Variants in FOXK2 observed in about 807,000 individuals in gnomAD.
FOXK2 encodes forkhead box K2, also known as forkhead box protein K2.
In FOXK2, 24 loss-of-function variants were observed where a neutral mutation model predicts 53.3. The observed-to-expected ratio is 0.45, with a 90% CI of 0.33 to 0.63. The LOEUF (loss-of-function observed/expected upper bound fraction) is 0.63, where lower values mean the gene tolerates loss of function less well. Ranked by LOEUF, FOXK2 falls within the 30% of genes least tolerant of loss-of-function variation. The pLI is 0.03. For synonymous variants in FOXK2, 505 were observed against 407.1 expected (o/e 1.24, Z -2.89); for missense variants, 952 against 910.5 (o/e 1.05, Z -0.59).
intron 8 of FOXK2, among the ~76,000 whole-genome samples, chr17:82,592,798 G>A (rs1239842858): frequency 6.6e-6 from 1 of 152,216 alleles, no homozygotes. Flanking sequence ...AGAGTGAAAT[G>A]CCCAGTTCGC....
chr17:82,595,634 G>C (rs1256679103), intron 8 of FOXK2: 2 of 489,200 alleles, frequency 4.1e-6, no homozygotes, highest in Non-Finnish European at 6.6e-6. Flanking sequence ...AGAGGACAGA[G>C]TGCTATACAT....
chr17:82,534,698 G>A (rs1159453213), intron 1 of FOXK2, among the ~76,000 whole-genome samples: 1 of 152,198 alleles, frequency 6.6e-6, no homozygotes, highest in Non-Finnish European at 1.5e-5. Flanking sequence ...TAGTGACTGG[G>A]TGCCTCAGCA....
chr17:82,560,505 A>AC (rs1213911063), intron 1 of FOXK2, among the ~76,000 whole-genome samples: 2 of 152,080 alleles, frequency 1.3e-5, no homozygotes, highest in Admixed American at 6.6e-5. Context: ...CGGCGGTTCC[A>AC]CCCTGGCGCT....
At chr17:82,543,038 A>G (rs2044589086) in intron 1 of FOXK2, among the ~76,000 whole-genome samples, 1 of 152,166 alleles carries the variant, frequency 6.6e-6, no homozygotes. Flanking sequence ...CAGGTTATTT[A>G]CCTGGAAAGG....
At chr17:82,530,428 A>C (rs2044461817) in intron 1 of FOXK2, among the ~76,000 whole-genome samples, 1 of 147,618 alleles carries the variant, frequency 6.8e-6, no homozygotes, top group Non-Finnish European at 1.5e-5. Context: ...CCTGGGCAAC[A>C]AGAGTGAAAC....
At chr17:82,567,942 T>TAAA in intron 2 of FOXK2, 112 bp from the exon 3 acceptor site, 1 of 623,526 alleles carries the variant, frequency 1.6e-6, no homozygotes. Flanking sequence ...TTTTTTTTTT[T>TAAA]TTTTTTAACA....
intron 1 of FOXK2, among the ~76,000 whole-genome samples, chr17:82,528,326 T>C (rs563740344): frequency 1.3e-5 from 2 of 152,302 alleles, no homozygotes; most frequent in South Asian, 4.1e-4. Context: ...GAAAGATTTT[T>C]TTGGAAAATG....
rs758944975 is a variant in FOXK2, at chr17:82,568,171, A to G, written c.732A>G (p.Glu244=). The G allele has an allele frequency of 6.2e-7, 1 of 1,613,412 alleles. No individual in the cohort carries two copies. The highest frequency in any genetic ancestry group is 1.7e-5 in the Admixed American group (1 of 59,980). Residue 244 remains glutamate, a synonymous_variant, in exon 3 of 9, where the codon GAA becomes GAG. Coordinates refer to ENST00000335255, the MANE Select transcript of FOXK2 (RefSeq NM_004514.4). The stretch of plus-strand genomic sequence containing the variant: ...CTGACAACTCACAGCCTGAAAATGA[A>G]AAGGAAGCTTCAGGTGGAGACAGCC... ...LMADNSQPEN[E]KEASGGDSPK...
chr17:82,567,016 G>A (rs1031101728), intron 2 of FOXK2, among the ~76,000 whole-genome samples: 1 of 152,218 alleles, frequency 6.6e-6, no homozygotes, highest in African/African-American at 2.4e-5. Context: ...TTGAATGGGT[G>A]AGTGAGTATA....
chr17:82,588,498 G>C (rs2045219829), intron 8 of FOXK2: 1 of 161,010 alleles, frequency 6.2e-6, no homozygotes, highest in Admixed American at 6.5e-5. Flanking sequence ...TTGGAGGGCA[G>C]GCGGTTGGCT....
chr17:82,587,303 G>C (rs760793246), intron 8 of FOXK2, 31 bp downstream of exon 8: 14 of 1,559,740 alleles, frequency 9.0e-6, no homozygotes, highest in Non-Finnish European at 1.2e-5. Context: ...GCTCCCCGTG[G>C]CTGTGGGTAC....
At chr17:82,547,095 A>T (rs2144084573) in intron 1 of FOXK2, among the ~76,000 whole-genome samples, 1 of 151,438 alleles carries the variant, frequency 6.6e-6, no homozygotes, top group East Asian at 1.9e-4. Context: ...AAAAAAAGGA[A>T]GGAGAAAGAA....
chr17:82,563,092 C>T (rs1406565788), intron 1 of FOXK2, among the ~76,000 whole-genome samples: 1 of 152,180 alleles, frequency 6.6e-6, no homozygotes. Context: ...CAAGCATGAG[C>T]TACGATACCT....
intron 2 of FOXK2, among the ~76,000 whole-genome samples, chr17:82,564,621 TAGAG>T (rs1335481426): frequency 6.6e-6 from 1 of 152,014 alleles, no homozygotes; most frequent in East Asian, 1.9e-4. Flanking sequence ...GAATTTTTTT[TAGAG>T]AGCCCACAGC....
At chr17:82,533,191 G>A (rs7350963) in intron 1 of FOXK2, among the ~76,000 whole-genome samples, 67,360 of 152,016 alleles carry the variant, frequency 0.44, 15,103 homozygotes, top group South Asian at 0.55. Flanking sequence ...CTAAATTAAC[G>A]ATAAAATGTA....
chr17:82,587,387 T>C, intron 8 of FOXK2, 115 bp downstream of exon 8: 1 of 816,442 alleles, frequency 1.2e-6, no homozygotes, highest in Non-Finnish European at 2.0e-6. Context: ...TGAGGCAATG[T>C]TTGCATTTCG....
intron 2 of FOXK2, among the ~76,000 whole-genome samples, chr17:82,566,241 C>T (rs1422951330): frequency 6.7e-6 from 1 of 149,574 alleles, no homozygotes; most frequent in East Asian, 1.9e-4. Context: ...TGTATTTTAC[C>T]ACAAAAAAAA....
intron 6 of FOXK2, among the ~76,000 whole-genome samples, chr17:82,584,407 T>G (rs1439642743): frequency 6.6e-6 from 1 of 151,884 alleles, no homozygotes; most frequent in Non-Finnish European, 1.5e-5. Flanking sequence ...ATGCCTGAAA[T>G]AACTTAGAAT....
At chr17:82,583,315 C>T (rs1314786524) in intron 5 of FOXK2, among the ~76,000 whole-genome samples, 1 of 152,188 alleles carries the variant, frequency 6.6e-6, no homozygotes, top group African/African-American at 2.4e-5. Context: ...GAGGCCGAGG[C>T]GGGCGGATCA....
Sources: gnomAD v4.1 joint callset for allele counts (sites outside exome capture counted in the v4.1 genomes callset) on GRCh38, gnomAD v4.1.1 for gene constraint, MANE v1.5 for transcripts, NCBI Gene and HGNC (gene_info 2026-07-23, HGNC 2026-07-21) for gene names.